Variants in ANKRD17 observed in about 807,000 individuals in gnomAD.
ANKRD17 encodes ankyrin repeat domain 17.
In ANKRD17, 19 loss-of-function variants were observed where a neutral mutation model predicts 229.7. The ratio of observed to expected loss-of-function variants is 0.08; its 90% CI spans 0.06 to 0.12. ANKRD17 has a LOEUF of 0.12. Among genes scored for constraint, ANKRD17 ranks in the 10% least tolerant of loss-of-function variants. ANKRD17 has a pLI of 1.00. For missense variants in ANKRD17, 2,176 were observed against 3,176.8 expected (o/e 0.68, Z 7.57); for synonymous variants, 1,112 against 1,146.1 (o/e 0.97, Z 0.60).
intron 1 of ANKRD17, among the ~76,000 whole-genome samples, chr4:73,213,976 G>T (rs1740663026): frequency 6.6e-6 from 1 of 152,104 alleles, no homozygotes; most frequent in African/African-American, 2.4e-5. Flanking sequence ...TCATATATCT[G>T]TTTCACTTAC....
At chr4:73,083,262 T>C (rs1463291167) in intron 30 of ANKRD17, among the ~76,000 whole-genome samples, 1 of 152,222 alleles carries the variant, frequency 6.6e-6, no homozygotes, top group Admixed American at 6.5e-5. Flanking sequence ...TTTGGAATAA[T>C]TGAAGATATC....
chr4:73,153,834 T>C, intron 6 of ANKRD17, 46 bp downstream of exon 6: 2 of 1,234,284 alleles, frequency 1.6e-6, no homozygotes, highest in Non-Finnish European at 2.2e-6. Context: ...ATAATTATAA[T>C]TTCACATATT....
At chr4:73,106,237 C>A (rs1411672337) in intron 24 of ANKRD17, among the ~76,000 whole-genome samples, 1 of 151,868 alleles carries the variant, frequency 6.6e-6, no homozygotes, top group East Asian at 1.9e-4. Context: ...GAGCAAGACT[C>A]CGTCTCAAAA....
chr4:73,152,199 A>G (rs1311461945), intron 6 of ANKRD17, among the ~76,000 whole-genome samples: 1 of 152,130 alleles, frequency 6.6e-6, no homozygotes, highest in Non-Finnish European at 1.5e-5. Flanking sequence ...AAATTATTTA[A>G]TTTTTTCCAG....
intron 1 of ANKRD17, among the ~76,000 whole-genome samples, chr4:73,197,312 C>T (rs1463579020): frequency 1.3e-5 from 2 of 152,176 alleles, no homozygotes; most frequent in African/African-American, 4.8e-5. Flanking sequence ...ACTGTGCTAT[C>T]ATGCAATAAA....
intron 1 of ANKRD17, among the ~76,000 whole-genome samples, chr4:73,195,382 G>A (rs1215971923): frequency 6.6e-6 from 1 of 152,084 alleles, no homozygotes; most frequent in African/African-American, 2.4e-5. Flanking sequence ...CTCATAATGT[G>A]AGTGGAAATG....
intron 2 of ANKRD17, among the ~76,000 whole-genome samples, chr4:73,171,489 A>G (rs1734036575): frequency 6.6e-6 from 1 of 152,154 alleles, no homozygotes; most frequent in Non-Finnish European, 1.5e-5. Flanking sequence ...ATAAATACCT[A>G]ATTCTTCAAT....
chr4:73,192,383 A>T (rs1458409050), intron 1 of ANKRD17, among the ~76,000 whole-genome samples: 8 of 152,110 alleles, frequency 5.3e-5, no homozygotes, highest in Admixed American at 2.0e-4. Flanking sequence ...CATGGTATGT[A>T]CCTATTTAAG....
chr4:73,175,478 A>G (rs1449347883), intron 2 of ANKRD17, among the ~76,000 whole-genome samples: 1 of 152,204 alleles, frequency 6.6e-6, no homozygotes, highest in Non-Finnish European at 1.5e-5. Flanking sequence ...AGGAACCTCA[A>G]AAGATCCAGA....
chr4:73,149,604 C>G (rs1026443160), intron 7 of ANKRD17, among the ~76,000 whole-genome samples: 2 of 152,130 alleles, frequency 1.3e-5, no homozygotes, highest in African/African-American at 4.8e-5. Flanking sequence ...TGGTGGCTCA[C>G]GCCTGTAATC....
rs746916213 is a variant in ANKRD17 at position 73,136,642 on chromosome 4, G to A, written c.3086-1377C>T. On this transcript the variant is annotated intron_variant, in intron 15 of 33. Coordinates refer to ENST00000358602, the MANE Select transcript of ANKRD17 (RefSeq NM_032217.5). ...TAATATATTAAATTGATAATCTAGC[G>A]ATCTGGATATTGTTACTCCATATTG... is the stretch of plus-strand genomic sequence containing the variant. 3.3e-5 allele frequency among the ~76,000 whole-genome samples: 5 copies of A among 151,960 alleles called. No individual in the cohort carries two copies. The South Asian group carries it at 8.3e-4, about 25-fold the overall frequency.
chr4:73,191,734 C>T (rs542539701), intron 1 of ANKRD17, among the ~76,000 whole-genome samples: 7 of 151,850 alleles, frequency 4.6e-5, no homozygotes, highest in African/African-American at 1.2e-4. Flanking sequence ...AGGATAAATA[C>T]GAATGCCCAG....
At chr4:73,188,164 G>A (rs775542123) in intron 1 of ANKRD17, among the ~76,000 whole-genome samples, 4 of 151,432 alleles carry the variant, frequency 2.6e-5, no homozygotes, top group African/African-American at 4.9e-5. Flanking sequence ...ATAAGATGAC[G>A]ACACTACTTT....
chr4:73,087,957 A>G (rs1388939653), intron 29 of ANKRD17, among the ~76,000 whole-genome samples: 6 of 151,474 alleles, frequency 4.0e-5, no homozygotes, highest in South Asian at 2.1e-4. Flanking sequence ...AAAAGAGAGG[A>G]AAAAAAAGGA....
intron 1 of ANKRD17, among the ~76,000 whole-genome samples, chr4:73,206,634 C>G (rs1030224078): frequency 3.3e-5 from 5 of 152,060 alleles, no homozygotes; most frequent in African/African-American, 1.2e-4. Context: ...TTCATAGAAG[C>G]AGTGAGTAAA....
intron 3 of ANKRD17, among the ~76,000 whole-genome samples, chr4:73,159,933 T>C (rs1732272027): frequency 6.6e-6 from 1 of 152,158 alleles, no homozygotes; most frequent in African/African-American, 2.4e-5. Flanking sequence ...TTCATGACCT[T>C]GTTAATACTA....
At chr4:73,125,334 T>C (rs1229061235) in intron 16 of ANKRD17, 22 bp from the exon 17 acceptor site, 8 of 1,514,026 alleles carry the variant, frequency 5.3e-6, no homozygotes, top group African/African-American at 1.4e-5. Flanking sequence ...TATTTTTTGG[T>C]TAGTTTATTA....
chr4:73,246,709 T>TA (rs1744534799), intron 1 of ANKRD17, among the ~76,000 whole-genome samples: 1 of 151,706 alleles, frequency 6.6e-6, no homozygotes, highest in Admixed American at 6.6e-5. Context: ...CTGTGCGGGG[T>TA]AAAAGGAAGC....
At chr4:73,096,629 T>C (rs1723329027) in intron 27 of ANKRD17, among the ~76,000 whole-genome samples, 1 of 152,228 alleles carries the variant, frequency 6.6e-6, no homozygotes, top group Non-Finnish European at 1.5e-5. Flanking sequence ...TTCAGGTGTC[T>C]TACCTCCTTT....
Sources: allele counts gnomAD v4.1 joint callset (sites outside exome capture counted in the v4.1 genomes callset), GRCh38; gene constraint gnomAD v4.1.1; transcripts MANE v1.5; gene names NCBI Gene and HGNC (gene_info 2026-07-23, HGNC 2026-07-21).